SYNPR: variants seen among roughly 807,000 people sequenced by gnomAD.
SYNPR encodes synaptoporin.
In SYNPR, 23 loss-of-function variants were observed where a neutral mutation model predicts 32.9. The observed-to-expected ratio is 0.70, with a 90% CI of 0.50 to 0.99. The LOEUF is 0.99. Ranked by LOEUF, SYNPR falls within the 50% of genes least tolerant of loss-of-function variation. The pLI is 0.00. For synonymous variants in SYNPR, 146 were observed against 135.9 expected, an observed-to-expected ratio of 1.07 and a Z score of -0.52; for missense variants, 318 against 349.3, an observed-to-expected ratio of 0.91 and a Z score of 0.71.
chr3:63,443,263 G>A, intron 2 of SYNPR: 1 of 1,435,684 alleles, frequency 7.0e-7, no homozygotes, highest in Non-Finnish European at 9.1e-7. Context: ...TGAGGCTGAA[G>A]CTGCTATCTG....
intron 2 of SYNPR, among the ~76,000 whole-genome samples, chr3:63,465,257 T>C (rs1530857): frequency 0.022 from 3,282 of 152,122 alleles, 115 homozygotes; most frequent in African/African-American, 0.075. Context: ...ACTAAATGGG[T>C]CCTTAGCACA....
At chr3:63,403,471 T>TAG (rs1433294256) in intron 2 of SYNPR, among the ~76,000 whole-genome samples, 70 of 114,974 alleles carry the variant, frequency 6.1e-4, no homozygotes, top group African/African-American at 1.9e-3. Flanking sequence ...CACACACACA[T>TAG]AGAGAGAGAG....
chr3:63,584,626 A>C (rs1479206979), intron 4 of SYNPR, among the ~76,000 whole-genome samples: 2 of 152,112 alleles, frequency 1.3e-5, no homozygotes, highest in Non-Finnish European at 2.9e-5. Flanking sequence ...AGCTGGGTTG[A>C]AATCGGGTCC....
chr3:63,262,029 A>T (rs75847745), intron 2 of SYNPR, among the ~76,000 whole-genome samples: 556 of 11,828 alleles, frequency 0.047, 3 homozygotes, highest in Non-Finnish European at 0.14. Context: ...AAGTATAATA[A>T]AAAAAAAAAC....
chr3:63,595,747 A>ATATATATATATATATAATTT (rs1699932191), intron 4 of SYNPR, among the ~76,000 whole-genome samples: 2 of 47,400 alleles, frequency 4.2e-5, no homozygotes, highest in Non-Finnish European at 6.5e-5. Context: ...ATATATATAT[A>ATATATATATATATATAATTT]TATATATATA....
At chr3:63,252,768 C>T (rs1485016981) in intron 2 of SYNPR, among the ~76,000 whole-genome samples, 1 of 152,106 alleles carries the variant, frequency 6.6e-6, no homozygotes, top group African/African-American at 2.4e-5. Flanking sequence ...AGGCTGGGCA[C>T]AGGGGCTCAT....
At chr3:63,282,263 C>T (rs1368502857) in intron 2 of SYNPR, among the ~76,000 whole-genome samples, 1 of 152,080 alleles carries the variant, frequency 6.6e-6, no homozygotes, top group East Asian at 1.9e-4. Flanking sequence ...TCTCATGTTT[C>T]TTTTTCTGAC....
At chr3:63,200,753 ACT>A in the SYNPR span, among the ~76,000 whole-genome samples, 1 of 152,082 alleles carries the variant, frequency 6.6e-6, no homozygotes, top group Non-Finnish European at 1.5e-5. Flanking sequence ...AAGGATATTG[ACT>A]CTAACTTCTT....
intron 2 of SYNPR, among the ~76,000 whole-genome samples, chr3:63,284,144 C>T (rs1183110750): frequency 6.6e-6 from 1 of 152,100 alleles, no homozygotes; most frequent in Non-Finnish European, 1.5e-5. Context: ...TAGTATTTTG[C>T]CAGTTGACCT....
At chr3:63,460,291 A>T (rs1700558068) in intron 2 of SYNPR, among the ~76,000 whole-genome samples, 1 of 151,984 alleles carries the variant, frequency 6.6e-6, no homozygotes, top group African/African-American at 2.4e-5. Context: ...CAGTTCCTCA[A>T]ATACACCAGG....
the SYNPR span, among the ~76,000 whole-genome samples, chr3:63,202,139 G>A: frequency 6.6e-6 from 1 of 152,090 alleles, no homozygotes; most frequent in Admixed American, 6.6e-5. Flanking sequence ...CAGCTGTGTG[G>A]TTTTGGCCCG....
At chr3:63,279,297 G>A (rs1278415833) in intron 2 of SYNPR, among the ~76,000 whole-genome samples, 1 of 152,174 alleles carries the variant, frequency 6.6e-6, no homozygotes, top group Non-Finnish European at 1.5e-5. Flanking sequence ...TGTTATAAAC[G>A]GCGGCGGGTA....
chr3:63,366,077 A>G (rs1325236239), intron 2 of SYNPR, among the ~76,000 whole-genome samples: 1 of 152,206 alleles, frequency 6.6e-6, no homozygotes, highest in Non-Finnish European at 1.5e-5. Flanking sequence ...TCAATAAAAG[A>G]TTTGGAAGAC....
chr3:63,332,574 ATGGGTGG>A, intron 2 of SYNPR, among the ~76,000 whole-genome samples: 1 of 152,202 alleles, frequency 6.6e-6, no homozygotes, highest in Non-Finnish European at 1.5e-5. Context: ...GAGAGAAGGT[ATGGGTGG>A]ATGGGTTTTA....
intron 3 of SYNPR, among the ~76,000 whole-genome samples, chr3:63,504,624 A>G (rs1701549523): frequency 6.6e-6 from 1 of 152,186 alleles, no homozygotes; most frequent in African/African-American, 2.4e-5. Flanking sequence ...ACCCAGATGC[A>G]ACATAATTAA....
intron 2 of SYNPR, chr3:63,423,560 G>C (rs767959248): frequency 6.6e-6 from 1 of 152,218 alleles, no homozygotes; most frequent in Non-Finnish European, 1.5e-5. Flanking sequence ...GCATGTTGAC[G>C]CAGATTTTAG....
intron 2 of SYNPR, among the ~76,000 whole-genome samples, chr3:63,284,824 G>A (rs1172708281): frequency 6.6e-6 from 1 of 152,128 alleles, no homozygotes. Flanking sequence ...AGTAATAACA[G>A]CTACCTTTGT....
intron 3 of SYNPR, among the ~76,000 whole-genome samples, chr3:63,538,614 C>T (rs1430501198): frequency 1.3e-5 from 2 of 151,968 alleles, no homozygotes; most frequent in Admixed American, 1.3e-4. Context: ...CACATGAGGC[C>T]TTAATAAGCA....
chr3:63,435,605 A>G (rs1168974470), intron 2 of SYNPR, among the ~76,000 whole-genome samples: 1 of 152,196 alleles, frequency 6.6e-6, no homozygotes, highest in Non-Finnish European at 1.5e-5. Context: ...ACACCCTCCC[A>G]TCTTCATGGT....
Sources: gnomAD v4.1 joint callset for allele counts (sites outside exome capture counted in the v4.1 genomes callset) on GRCh38, gnomAD v4.1.1 for gene constraint, MANE v1.5 for transcripts, NCBI Gene and HGNC (gene_info 2026-07-23, HGNC 2026-07-21) for gene names.